The following CNBD1 variants were observed in gnomAD, a reference collection of about 807,000 sequenced individuals.
The protein encoded by CNBD1 is cyclic nucleotide-binding domain-containing protein 1.
A neutral mutation model predicts 54.4 loss-of-function variants in CNBD1; 71 were observed. The observed-to-expected ratio is 1.30, with a 90% confidence interval of 1.08 to 1.59. The LOEUF (loss-of-function observed/expected upper bound fraction) is 1.59, where lower values mean the gene tolerates loss of function less well. CNBD1 is among the 40% of genes most tolerant of loss of function. CNBD1 has a pLI of 0.00. For synonymous variants in CNBD1, 182 were observed against 170.7 expected (o/e 1.07, Z -0.51); for missense variants, 659 against 518.0 (o/e 1.27, Z -2.64).
intron 4 of CNBD1, among the ~76,000 whole-genome samples, chr8:87,122,700 T>G (rs923245344): frequency 6.6e-6 from 1 of 151,826 alleles, no homozygotes; most frequent in African/African-American, 2.4e-5. Flanking sequence ...AGGACCTATA[T>G]TTAAGTCATT....
intron 3 of CNBD1, among the ~76,000 whole-genome samples, chr8:86,923,419 T>G (rs750544455): frequency 6.6e-6 from 1 of 152,158 alleles, no homozygotes; most frequent in East Asian, 1.9e-4. Context: ...CCTTTGATCC[T>G]TGCTACTTGG....
chr8:87,286,920 G>A (rs1405743930), intron 8 of CNBD1, among the ~76,000 whole-genome samples: 1 of 152,046 alleles, frequency 6.6e-6, no homozygotes, highest in Admixed American at 6.6e-5. Flanking sequence ...CCCTTTAACT[G>A]TTCCGCACTT....
chr8:87,290,172 A>G (rs1014993668), intron 8 of CNBD1, among the ~76,000 whole-genome samples: 1 of 151,992 alleles, frequency 6.6e-6, no homozygotes, highest in African/African-American at 2.4e-5. Flanking sequence ...TTATTATTAT[A>G]CATATTGCAT....
At chr8:87,151,796 G>A (rs1371293007) in intron 4 of CNBD1, among the ~76,000 whole-genome samples, 1 of 151,874 alleles carries the variant, frequency 6.6e-6, no homozygotes, top group Non-Finnish European at 1.5e-5. Flanking sequence ...TACTAGTATT[G>A]GTTTACTAAT....
chr8:87,286,626 G>A lies in CNBD1; in HGVS notation c.997G>A (p.Glu333Lys), dbSNP rs1349942512. The A allele has an allele frequency of 6.5e-7, 1 of 1,531,354 alleles. No individual in the cohort carries two copies. Among genetic ancestry groups the A allele is most frequent in the Admixed American group, 2.0e-5 (1 of 50,902 alleles). The allele number at this position is 1,531,354 out of a possible 1,614,324, so 94.9% of individuals were successfully genotyped here. A position where few individuals can be genotyped will look rare whatever the true frequency, so the allele number is the denominator to read the frequency against. The change falls in exon 8 of 11, where the codon GAG (glutamate) becomes AAG (lysine). Residue 333 changes from glutamate (E) to lysine (K), a missense_variant. Physicochemically the swap from Glu to Lys is moderately conservative, Grantham distance 56. Transcript: ENST00000518476. The stretch of plus-strand genomic sequence containing the variant: ...GGAATGGCCTACTTTATCCATATAT[G>A]AGCTAATTGCACTCCTTAAATGGAA... ...YEEWPTLSIY[E>K]LIALLKWKKF...
chr8:87,361,611 C>T (rs1810525249), intron 10 of CNBD1, among the ~76,000 whole-genome samples: 1 of 151,294 alleles, frequency 6.6e-6, no homozygotes, highest in South Asian at 2.1e-4. Context: ...AGGAAATTTA[C>T]TCAAAGTATA....
At chr8:87,041,846 G>T (rs1326676426) in intron 4 of CNBD1, among the ~76,000 whole-genome samples, 1 of 152,174 alleles carries the variant, frequency 6.6e-6, no homozygotes, top group Non-Finnish European at 1.5e-5. Context: ...GAGAGGGAAT[G>T]CTCTGACCTA....
intron 5 of CNBD1, among the ~76,000 whole-genome samples, chr8:87,223,726 G>A (rs1357651242): frequency 9.9e-5 from 15 of 151,978 alleles, no homozygotes; most frequent in Non-Finnish European, 2.1e-4. Context: ...CTTTATAGCA[G>A]CATGATTCAT....
intron 8 of CNBD1, among the ~76,000 whole-genome samples, chr8:87,295,923 A>G (rs538534219): frequency 6.6e-6 from 1 of 152,260 alleles, no homozygotes; most frequent in Middle Eastern, 3.4e-3. Flanking sequence ...AATAAAAGTA[A>G]TTTCTACTAA....
intron 4 of CNBD1, among the ~76,000 whole-genome samples, chr8:86,991,070 T>A (rs1586184133): frequency 6.6e-6 from 1 of 152,146 alleles, no homozygotes; most frequent in Admixed American, 6.5e-5. Context: ...TTCTGATAAT[T>A]TGGGTGGTGG....
intron 8 of CNBD1, among the ~76,000 whole-genome samples, chr8:87,299,500 G>T (rs1017411975): frequency 1.3e-5 from 2 of 152,158 alleles, no homozygotes; most frequent in Admixed American, 6.5e-5. Context: ...ATCTTCCTTA[G>T]TTTTCATGTA....
intron 3 of CNBD1, among the ~76,000 whole-genome samples, chr8:86,936,763 C>T (rs1477997482): frequency 4.2e-5 from 6 of 142,690 alleles, no homozygotes; most frequent in African/African-American, 1.4e-4. Flanking sequence ...AAAAAAAAAT[C>T]TATAGGGATT....
intron 4 of CNBD1, among the ~76,000 whole-genome samples, chr8:86,986,458 G>C (rs555803497): frequency 6.6e-6 from 1 of 152,124 alleles, no homozygotes; most frequent in Non-Finnish European, 1.5e-5. Flanking sequence ...TTCCCATTCT[G>C]TAGGTTCTGT....
intron 4 of CNBD1, among the ~76,000 whole-genome samples, chr8:87,050,681 A>C (rs986109410): frequency 4.6e-5 from 7 of 152,196 alleles, no homozygotes; most frequent in African/African-American, 1.7e-4. Context: ...GATCCCTCAG[A>C]TACTTGGGTT....
At chr8:87,348,402 C>T (rs1032828550) in intron 8 of CNBD1, among the ~76,000 whole-genome samples, 1 of 152,058 alleles carries the variant, frequency 6.6e-6, no homozygotes, top group East Asian at 1.9e-4. Flanking sequence ...CAAGTTATTT[C>T]TTAACATTTT....
chr8:87,319,455 C>G (rs569972676), intron 8 of CNBD1, among the ~76,000 whole-genome samples: 2 of 152,026 alleles, frequency 1.3e-5, no homozygotes, highest in Middle Eastern at 3.4e-3. Flanking sequence ...TTTTACCTCA[C>G]GTAAATGGAG....
At position 87,202,134 on chromosome 8, in the gene CNBD1, G is replaced by A. The variant is rs1322234915; in HGVS notation, c.432-3859G>A. Among the ~76,000 whole-genome samples the A allele has an allele frequency of 6.6e-5, 10 of 152,132 alleles. 1 individual carries two copies. Among genetic ancestry groups the A allele is most frequent in the Non-Finnish European group, 4.4e-5 (3 of 68,020 alleles). ...AGATAAAATTGAAGGAAAATTTTCA[G>A]AAGGAATGAAGATAGACTTTATGTA... is the stretch of plus-strand genomic sequence containing the variant. On this transcript the variant is annotated intron_variant, in intron 4 of 10. Transcript: ENST00000518476.
At chr8:86,891,628 A>T (rs1808770012) in intron 2 of CNBD1, among the ~76,000 whole-genome samples, 2 of 152,024 alleles carry the variant, frequency 1.3e-5, no homozygotes, top group African/African-American at 2.4e-5. Flanking sequence ...TGAAGATGAC[A>T]TTGGAATTGT....
chr8:86,993,536 T>C (rs981579840), intron 4 of CNBD1, among the ~76,000 whole-genome samples: 1 of 152,188 alleles, frequency 6.6e-6, no homozygotes, highest in Non-Finnish European at 1.5e-5. Flanking sequence ...ATTGTAGCTT[T>C]TTAAATTGCT....
Sources: gnomAD v4.1 joint callset for allele counts (sites outside exome capture counted in the v4.1 genomes callset) on GRCh38, gnomAD v4.1.1 for gene constraint, MANE v1.5 for transcripts, NCBI Gene and HGNC (gene_info 2026-07-23, HGNC 2026-07-21) for gene names.